Variants in PRKG1 observed in about 807,000 individuals in gnomAD.
PRKG1 encodes the protein protein kinase cGMP-dependent 1.
PRKG1 carries 35 observed loss-of-function variants against 88.1 expected under a neutral mutation model. The observed-to-expected ratio is 0.40, with a 90% CI of 0.30 to 0.53. The LOEUF is 0.53. PRKG1 is among the 20% of genes least tolerant of loss of function. The pLI is 0.59. For missense variants in PRKG1, 540 were observed against 839.8 expected (o/e 0.64, Z 4.41); for synonymous variants, 303 against 292.5 (o/e 1.04, Z -0.37).
intron 3 of PRKG1, among the ~76,000 whole-genome samples, chr10:51,725,484 T>G (rs138569041): frequency 1.5e-4 from 23 of 152,264 alleles, no homozygotes; most frequent in Admixed American, 9.2e-4. Flanking sequence ...TCCACCAAAT[T>G]TGTGGCCTGT....
intron 3 of PRKG1, among the ~76,000 whole-genome samples, chr10:51,665,789 T>C (rs896736671): frequency 1.8e-4 from 28 of 152,238 alleles, no homozygotes; most frequent in African/African-American, 6.7e-4. Flanking sequence ...ATCTCAAGTC[T>C]AAGGAGAATA....
chr10:52,037,168 G>T (rs991866583), intron 5 of PRKG1, among the ~76,000 whole-genome samples: 1 of 152,230 alleles, frequency 6.6e-6, no homozygotes, highest in African/African-American at 2.4e-5. Flanking sequence ...ACACGGCTTA[G>T]GAGGAATCCC....
intron 9 of PRKG1, among the ~76,000 whole-genome samples, chr10:52,225,078 C>T (rs535113250): frequency 2.0e-4 from 31 of 151,854 alleles, no homozygotes; most frequent in Non-Finnish European, 4.0e-4. Context: ...CCATAGTGGC[C>T]GTACTAGTCT....
chr10:51,142,748 G>A (rs1845848293), intron 1 of PRKG1, among the ~76,000 whole-genome samples: 2 of 151,916 alleles, frequency 1.3e-5, no homozygotes, highest in African/African-American at 2.4e-5. Flanking sequence ...TAGGTCTGTG[G>A]CAATAATACA....
rs1289863328 is a variant in PRKG1 at position 51,950,675 on chromosome 10, C to A, written c.762+43105C>A. Among the ~76,000 whole-genome samples, 6 of 152,352 alleles carry A rather than the reference C, an allele frequency of 3.9e-5. 1 individual carries two copies. Among genetic ancestry groups the A allele is most frequent in the Admixed American group, 1.3e-4 (2 of 15,308 alleles). On this transcript the variant is annotated intron_variant, in intron 5 of 17. Transcript: ENST00000373980. The stretch of plus-strand genomic sequence containing the variant: ...GGGGGTATTAGTATGCTAATTAGTT[C>A]TTTTAGTTCCACTATCCATGGACAG...
At chr10:52,048,195 A>C (rs1305074070) in intron 5 of PRKG1, among the ~76,000 whole-genome samples, 1 of 152,098 alleles carries the variant, frequency 6.6e-6, no homozygotes, top group Admixed American at 6.6e-5. Flanking sequence ...AGACTTAAGC[A>C]TAACTCCAAA....
At chr10:52,116,257 TAAAC>T (rs1847684210) in intron 7 of PRKG1, among the ~76,000 whole-genome samples, 1 of 152,120 alleles carries the variant, frequency 6.6e-6, no homozygotes, top group African/African-American at 2.4e-5. Flanking sequence ...TTAACACAGA[TAAAC>T]AATGTATACG....
chr10:51,579,541 CAAAATGTTAT>C (rs1450816574), intron 3 of PRKG1, among the ~76,000 whole-genome samples: 5 of 152,002 alleles, frequency 3.3e-5, no homozygotes, highest in African/African-American at 1.2e-4. Flanking sequence ...TATCTTTTAA[CAAAATGTTAT>C]ATCTTAATTA....
intron 7 of PRKG1, among the ~76,000 whole-genome samples, chr10:52,078,245 C>A (rs771977616): frequency 6.6e-6 from 1 of 152,076 alleles, no homozygotes; most frequent in Non-Finnish European, 1.5e-5. Flanking sequence ...TTACCAAACA[C>A]AAATAGTCAA....
Position 51,675,091 on chromosome 10 carries a change from A to C in PRKG1, c.593-129494A>C, listed in dbSNP as rs968417977. ...GACTGAATGGTTTTCAGTGAGGGAA[A>C]AATTTTTACAAGAAACTCTCCTGGT... On this transcript the variant is annotated intron_variant, in intron 3 of 17. Transcript: ENST00000373980. Among the ~76,000 whole-genome samples the C allele has an allele frequency of 3.3e-5, 5 of 152,162 alleles. No individual in the cohort carries two copies. In the South Asian group the frequency reaches 8.3e-4, roughly 25 times the overall value.
intron 9 of PRKG1, among the ~76,000 whole-genome samples, chr10:52,250,330 A>T (rs1432962064): frequency 2.6e-5 from 4 of 152,224 alleles, no homozygotes; most frequent in African/African-American, 9.6e-5. Context: ...CCTGTCAACA[A>T]TTGACTTGTT....
At chr10:51,209,617 T>C (rs919796349) in intron 2 of PRKG1, among the ~76,000 whole-genome samples, 4 of 152,204 alleles carry the variant, frequency 2.6e-5, no homozygotes, top group African/African-American at 9.6e-5. Context: ...ATTTTTTTAT[T>C]CATATCTTAT....
At chr10:51,953,340 G>A (rs7073215) in intron 5 of PRKG1, among the ~76,000 whole-genome samples, 151,627 of 152,336 alleles carry the variant, frequency 1, 75,463 homozygotes, top group Middle Eastern at 1. Flanking sequence ...AGTGACATGT[G>A]CAGGCTTTTA....
chr10:51,712,490 A>G (rs1305883985), intron 3 of PRKG1, among the ~76,000 whole-genome samples: 1 of 152,064 alleles, frequency 6.6e-6, no homozygotes, highest in Non-Finnish European at 1.5e-5. Context: ...CTTATTTGCA[A>G]CACTATTTGG....
intron 3 of PRKG1, among the ~76,000 whole-genome samples, chr10:51,769,800 T>A (rs1838256184): frequency 6.6e-6 from 1 of 152,144 alleles, no homozygotes; most frequent in African/African-American, 2.4e-5. Context: ...AGAAGAATTG[T>A]CTTGGGCCAC....
chr10:52,227,700 A>G (rs1202465927), intron 9 of PRKG1, among the ~76,000 whole-genome samples: 1 of 151,918 alleles, frequency 6.6e-6, no homozygotes, highest in African/African-American at 2.4e-5. Flanking sequence ...AGTAAAATAT[A>G]AAGACATGAA....
chr10:52,024,321 T>TG (rs61709879), intron 5 of PRKG1, among the ~76,000 whole-genome samples: 25 of 144,508 alleles, frequency 1.7e-4, no homozygotes, highest in Admixed American at 1.3e-3. Flanking sequence ...ATTTAACTTT[T>TG]TTTTTTATTC....
At chr10:51,141,460 C>G (rs1845818253) in intron 1 of PRKG1, among the ~76,000 whole-genome samples, 1 of 152,148 alleles carries the variant, frequency 6.6e-6, no homozygotes, top group Non-Finnish European at 1.5e-5. Context: ...AGTAGCAACT[C>G]TAGGTCACTC....
At chr10:51,273,169 C>A (rs1840025116) in intron 2 of PRKG1, among the ~76,000 whole-genome samples, 1 of 152,048 alleles carries the variant, frequency 6.6e-6, no homozygotes, top group Non-Finnish European at 1.5e-5. Context: ...CATGAAATCC[C>A]TGCTATCTTT....
Sources: allele counts gnomAD v4.1 joint callset (sites outside exome capture counted in the v4.1 genomes callset), GRCh38; gene constraint gnomAD v4.1.1; transcripts MANE v1.5; gene names NCBI Gene and HGNC (gene_info 2026-07-23, HGNC 2026-07-21).